HECW2: variants seen among roughly 807,000 people sequenced by gnomAD.
HECW2 encodes the protein HECT, C2 and WW domain containing E3 ubiquitin protein ligase 2, also known as E3 ubiquitin-protein ligase HECW2.
In HECW2, 61 loss-of-function variants were observed where a neutral mutation model predicts 175.2. The ratio of observed to expected loss-of-function variants is 0.35; its 90% CI spans 0.28 to 0.43. The LOEUF is 0.43. HECW2 is among the 20% of genes least tolerant of loss of function. HECW2 has a pLI of 1.00. For missense variants in HECW2, 1,524 were observed against 2,000.5 expected (o/e 0.76, Z 4.54); for synonymous variants, 671 against 731.0 (o/e 0.92, Z 1.32).
At chr2:196,322,204 T>C (rs1691968876) in intron 7 of HECW2, among the ~76,000 whole-genome samples, 1 of 152,156 alleles carries the variant, frequency 6.6e-6, no homozygotes, top group Non-Finnish European at 1.5e-5. Context: ...AGCTCCAATA[T>C]ACTGAGAGAC....
At chr2:196,209,757 C>CTTTTTTTTTTTTT (rs1365319286) in intron 28 of HECW2, among the ~76,000 whole-genome samples, 1 of 142,356 alleles carries the variant, frequency 7.0e-6, no homozygotes, top group African/African-American at 2.7e-5. Context: ...GTTTTTCTTT[C>CTTTTTTTTTTTTT]TTTCTTTCTT....
At chr2:196,503,170 A>G (rs1687633752) in intron 1 of HECW2, among the ~76,000 whole-genome samples, 1 of 152,086 alleles carries the variant, frequency 6.6e-6, no homozygotes, top group African/African-American at 2.4e-5. Flanking sequence ...TGGGACTGAG[A>G]GTGTGTATAC....
intron 1 of HECW2, among the ~76,000 whole-genome samples, chr2:196,500,803 A>G (rs1442980212): frequency 9.9e-5 from 15 of 152,164 alleles, no homozygotes; most frequent in African/African-American, 3.6e-4. Flanking sequence ...TCTTGTCTGT[A>G]TTCCCCTGTT....
At chr2:196,460,165 T>G (rs896513222) in intron 1 of HECW2, among the ~76,000 whole-genome samples, 2 of 152,106 alleles carry the variant, frequency 1.3e-5, no homozygotes, top group African/African-American at 4.8e-5. Flanking sequence ...CAGCTGACAA[T>G]GAGGCTGGAA....
At chr2:196,355,776 G>T (rs550701000) in intron 2 of HECW2, among the ~76,000 whole-genome samples, 37 of 152,222 alleles carry the variant, frequency 2.4e-4, no homozygotes, top group African/African-American at 6.7e-4. Flanking sequence ...TTGGTCTGGT[G>T]GGGAAAGTGG....
chr2:196,386,482 A>G (rs539277942), intron 2 of HECW2, among the ~76,000 whole-genome samples: 1 of 152,378 alleles, frequency 6.6e-6, no homozygotes, highest in Admixed American at 6.5e-5. Flanking sequence ...AAAGGAGTGC[A>G]GATATTAACA....
chr2:196,278,262 A>T (rs1278066298), intron 15 of HECW2, among the ~76,000 whole-genome samples: 1 of 145,742 alleles, frequency 6.9e-6, no homozygotes, highest in African/African-American at 2.5e-5. Flanking sequence ...GTACATTATC[A>T]ACACCCTCTC....
chr2:196,295,268 G>A (rs999810171), intron 13 of HECW2, among the ~76,000 whole-genome samples: 2 of 150,896 alleles, frequency 1.3e-5, no homozygotes, highest in Non-Finnish European at 3.0e-5. Flanking sequence ...AGCAGAGAAG[G>A]AAATAACAGA....
intron 15 of HECW2, among the ~76,000 whole-genome samples, chr2:196,276,268 G>A (rs1689952247): frequency 6.6e-6 from 1 of 152,106 alleles, no homozygotes; most frequent in Non-Finnish European, 1.5e-5. Flanking sequence ...TAACAATGTG[G>A]AGGGCTGGAC....
At chr2:196,554,426 T>C (rs1437883279) in intron 1 of HECW2, among the ~76,000 whole-genome samples, 3 of 152,356 alleles carry the variant, frequency 2.0e-5, no homozygotes, top group Non-Finnish European at 4.4e-5. Context: ...TCCTGGAATC[T>C]TGACAAATGG....
chr2:196,496,178 TTACA>T (rs1228693134), intron 1 of HECW2, among the ~76,000 whole-genome samples: 2 of 152,140 alleles, frequency 1.3e-5, no homozygotes, highest in African/African-American at 4.8e-5. Context: ...ACTCTACAGC[TTACA>T]TATATTTTTT....
chr2:196,243,319 C>G (rs1381567377), intron 19 of HECW2, among the ~76,000 whole-genome samples: 2 of 151,860 alleles, frequency 1.3e-5, no homozygotes, highest in African/African-American at 4.8e-5. Context: ...AGGCATGTGC[C>G]ACCACGCCCG....
At chr2:196,291,708 C>T (rs752335333) in intron 14 of HECW2, 4 of 152,222 alleles carry the variant, frequency 2.6e-5, no homozygotes, top group Non-Finnish European at 5.9e-5. Flanking sequence ...TCAGCCACTG[C>T]CTGTCTCTGT....
chr2:196,437,337 C>T (rs545881669), intron 1 of HECW2, among the ~76,000 whole-genome samples: 7 of 152,038 alleles, frequency 4.6e-5, no homozygotes, highest in African/African-American at 1.7e-4. Flanking sequence ...ACCAGCCGGG[C>T]GCAGTGGCTC....
At chr2:196,432,150 C>G (rs1362585710) in intron 2 of HECW2, among the ~76,000 whole-genome samples, 1 of 152,078 alleles carries the variant, frequency 6.6e-6, no homozygotes, top group African/African-American at 2.4e-5. Context: ...CCAAACCTTG[C>G]CGAATGTCCT....
intron 2 of HECW2, among the ~76,000 whole-genome samples, chr2:196,351,007 A>G (rs561149811): frequency 2.6e-5 from 4 of 152,264 alleles, no homozygotes; most frequent in East Asian, 1.9e-4. Context: ...CACAGTTCAC[A>G]TTTTTGGTTC....
intron 1 of HECW2, among the ~76,000 whole-genome samples, chr2:196,549,136 C>A (rs957995219): frequency 6.6e-6 from 1 of 152,104 alleles, no homozygotes. Flanking sequence ...CTCTTAAAAG[C>A]CTTTTTATTG....
rs553017632 is a variant in HECW2 at position 196,436,941 on chromosome 2, A to C, written c.-35-3483T>G. On this transcript the variant is annotated intron_variant, in intron 1 of 28. Transcript: ENST00000644978. ...ACAATAAATGTTGTAGGGCATCTGAAAGTGATAAAAACATATTTATAATGG... is the reference window on the plus strand; with the variant it reads ...ACAATAAATGTTGTAGGGCATCTGACAGTGATAAAAACATATTTATAATGG... 2.0e-5 allele frequency among the ~76,000 whole-genome samples: 3 copies of C among 152,310 alleles called. No homozygotes were observed. The East Asian group carries it at 5.8e-4, about 29-fold the overall frequency.
chr2:196,427,962 G>T (rs1175377731), intron 2 of HECW2, among the ~76,000 whole-genome samples: 1 of 152,116 alleles, frequency 6.6e-6, no homozygotes, highest in Non-Finnish European at 1.5e-5. Flanking sequence ...TTACTTTTCT[G>T]ATTCACATGC....
Sources: allele counts gnomAD v4.1 joint callset (sites outside exome capture counted in the v4.1 genomes callset), GRCh38; gene constraint gnomAD v4.1.1; transcripts MANE v1.5; gene names NCBI Gene and HGNC (gene_info 2026-07-23, HGNC 2026-07-21).